CACNA1B: variants seen among roughly 807,000 people sequenced by gnomAD.
CACNA1B encodes voltage-dependent N-type calcium channel subunit alpha-1B.
Under a neutral mutation model 247.2 loss-of-function variants are expected in CACNA1B, and 70 were observed. The observed-to-expected ratio is 0.28, with a 90% CI of 0.23 to 0.35. The LOEUF is 0.35. Among genes scored for constraint, CACNA1B ranks in the 10% least tolerant of loss-of-function variants. The pLI is 1.00. For synonymous variants in CACNA1B, 1,231 were observed against 1,294.4 expected (o/e 0.95, Z 1.05); for missense variants, 2,367 against 3,197.4 (o/e 0.74, Z 6.26).
intron 15 of CACNA1B, among the ~76,000 whole-genome samples, chr9:138,006,278 A>C (rs1305869144): frequency 6.6e-6 from 1 of 152,164 alleles, no homozygotes; most frequent in East Asian, 1.9e-4. Flanking sequence ...TACTAGGACA[A>C]GGGTTGCATT....
chr9:138,104,925 C>T (rs943905242), intron 38 of CACNA1B, among the ~76,000 whole-genome samples: 2 of 152,242 alleles, frequency 1.3e-5, no homozygotes, highest in African/African-American at 2.4e-5. Flanking sequence ...GACACGAGCT[C>T]GTCTCCAGCT....
At position 138,052,828 on chromosome 9, in the gene CACNA1B, G is replaced by A. The variant is rs958678062; in HGVS notation, c.3807+640G>A. Among the ~76,000 whole-genome samples, 13 of 152,226 alleles carry A rather than the reference G, an allele frequency of 8.5e-5. No individual in the cohort carries two copies. Among genetic ancestry groups the A allele is most frequent in the African/African-American group, 3.1e-4 (13 of 41,460 alleles). ...GCGTCGGAGGCCCACTGGGTCCAGGGAGGAGTGGCACCTGCCCTGGCACCG... is the reference window on the plus strand; with the variant it reads ...GCGTCGGAGGCCCACTGGGTCCAGGAAGGAGTGGCACCTGCCCTGGCACCG... On this transcript the variant is annotated intron_variant, in intron 25 of 46. Transcript: ENST00000371372. The surrounding 1 kb of genome is among the most constrained non-coding windows in gnomAD (Gnocchi z 5.1).
chr9:138,046,044 C>T (rs1376167211), intron 21 of CACNA1B, among the ~76,000 whole-genome samples: 1 of 152,200 alleles, frequency 6.6e-6, no homozygotes, highest in Non-Finnish European at 1.5e-5. Flanking sequence ...TCTGGTCCCC[C>T]ACCCGTAGAT....
At chr9:138,047,904 T>C (rs568934494) in intron 23 of CACNA1B, among the ~76,000 whole-genome samples, 4 of 152,328 alleles carry the variant, frequency 2.6e-5, no homozygotes, top group Admixed American at 6.5e-5. Flanking sequence ...ATTTGTCTTA[T>C]GATAGATTGA....
intron 42 of CACNA1B, among the ~76,000 whole-genome samples, chr9:138,117,453 A>G (rs559613858): frequency 1.1e-3 from 163 of 151,780 alleles, no homozygotes; most frequent in African/African-American, 3.8e-3. Context: ...TGTCCTCTCC[A>G]TGACAGCTTC....
intron 3 of CACNA1B, among the ~76,000 whole-genome samples, chr9:137,897,989 A>G (rs1321793214): frequency 6.6e-6 from 1 of 152,200 alleles, no homozygotes; most frequent in Non-Finnish European, 1.5e-5. Flanking sequence ...TTCTTTAATT[A>G]TTCTTTCAGG....
intron 39 of CACNA1B, among the ~76,000 whole-genome samples, chr9:138,107,084 C>G (rs997598663): frequency 5.6e-4 from 85 of 152,104 alleles, no homozygotes; most frequent in Non-Finnish European, 8.7e-4. Flanking sequence ...TACACTCACT[C>G]CTTTATCATC....
Position 138,051,525 on chromosome 9 carries a change from T to C in CACNA1B, c.3711-567T>C, listed in dbSNP as rs1959278815. On this transcript the variant is annotated intron_variant, in intron 24 of 46. Coordinates refer to ENST00000371372, the MANE Select transcript of CACNA1B (RefSeq NM_000718.4). The surrounding 1 kb of genome is among the most constrained non-coding windows in gnomAD (Gnocchi z 4.3). ...TCTTAGTCCACCATGCCTCTTGCAT[T>C]GCCTCTGTATTCGTCCGACTTTTTC... 6.9e-6 allele frequency among the ~76,000 whole-genome samples: 1 copy of C among 145,210 alleles called. No individual in the cohort carries two copies. The highest frequency in any genetic ancestry group is 2.5e-4 in the South Asian group (1 of 4,052).
At chr9:138,016,892 C>T (rs1958799665) in intron 18 of CACNA1B, among the ~76,000 whole-genome samples, 1 of 152,230 alleles carries the variant, frequency 6.6e-6, no homozygotes, top group African/African-American at 2.4e-5. Flanking sequence ...CTTCTGTCTT[C>T]CAGGCATTAC....
intron 6 of CACNA1B, among the ~76,000 whole-genome samples, chr9:137,947,402 C>T (rs183697117): frequency 9.1e-4 from 139 of 152,198 alleles, no homozygotes; most frequent in African/African-American, 3.2e-3. Context: ...ACAAATCGGC[C>T]TTAGGGTCCC....
Position 137,957,574 on chromosome 9 carries a change from T to C in CACNA1B, c.1244-24T>C. On this transcript the variant is annotated intron_variant, in intron 9 of 46. Transcript: ENST00000371372. The surrounding 1 kb of genome is among the most constrained non-coding windows in gnomAD (Gnocchi z 4.7). ...CCTGAGGGCTGCAGCTCAGGCAGTCTCTCCCATCCTTTGTTTAAAGCAGTG... is the reference window on the plus strand; with the variant it reads ...CCTGAGGGCTGCAGCTCAGGCAGTCCCTCCCATCCTTTGTTTAAAGCAGTG... 1 of 1,536,864 alleles carries C rather than the reference T, an allele frequency of 6.5e-7. No individual in the cohort carries two copies. Among genetic ancestry groups the C allele is most frequent in the South Asian group, 1.2e-5 (1 of 82,006 alleles).
At chr9:138,025,639 C>T (rs897179292) in intron 20 of CACNA1B, among the ~76,000 whole-genome samples, 8 of 152,224 alleles carry the variant, frequency 5.3e-5, no homozygotes, top group Non-Finnish European at 8.8e-5. Flanking sequence ...TGTGCCATCC[C>T]TGCTCTGAGG....
chr9:138,045,088 A>G (rs904440097), intron 21 of CACNA1B, among the ~76,000 whole-genome samples: 1 of 152,222 alleles, frequency 6.6e-6, no homozygotes, highest in Non-Finnish European at 1.5e-5. Flanking sequence ...TGAAGGATGA[A>G]TAAGAGTTAA....
intron 15 of CACNA1B, among the ~76,000 whole-genome samples, chr9:138,002,661 C>T (rs1449781668): frequency 3.3e-5 from 5 of 151,578 alleles, no homozygotes; most frequent in Middle Eastern, 3.5e-3. Context: ...GAGCTAGGAT[C>T]GTGCCACTGC....
intron 15 of CACNA1B, among the ~76,000 whole-genome samples, chr9:137,988,026 G>C: frequency 6.6e-6 from 1 of 152,194 alleles, no homozygotes; most frequent in East Asian, 1.9e-4. Flanking sequence ...GGAGGCACTT[G>C]TCAGCCTCCG....
intron 20 of CACNA1B, among the ~76,000 whole-genome samples, chr9:138,034,980 C>A (rs1171849088): frequency 6.6e-6 from 1 of 152,198 alleles, no homozygotes; most frequent in Non-Finnish European, 1.5e-5. Flanking sequence ...TGCTAAGTGA[C>A]TAATGCAGTC....
chr9:137,918,764 G>A (rs917293486), intron 6 of CACNA1B, among the ~76,000 whole-genome samples: 14 of 152,300 alleles, frequency 9.2e-5, no homozygotes, highest in Admixed American at 6.5e-4. Context: ...TATTGAGCTC[G>A]TTTATCAAGC....
rs1257753847 is a variant in CACNA1B at position 137,882,160 on chromosome 9, G to A, written c.391-584G>A. Among the ~76,000 whole-genome samples, 2 of 152,140 alleles carry A rather than the reference G, an allele frequency of 1.3e-5. No individual in the cohort carries two copies. Among genetic ancestry groups the A allele is most frequent in the Non-Finnish European group, 2.9e-5 (2 of 68,028 alleles). ...CCGGGTGCATGTTGAATGCATAAAC[G>A]GGGCCTGGACTGAGTTCAAGAAAGC... is the stretch of plus-strand genomic sequence containing the variant. On this transcript the variant is annotated intron_variant, in intron 2 of 46. Coordinates refer to ENST00000371372, the MANE Select transcript of CACNA1B (RefSeq NM_000718.4). This position sits in a 1 kb window ranked among gnomAD's most constrained non-coding sequence, Gnocchi z 4.0.
chr9:137,980,077 A>T (rs146192688), intron 12 of CACNA1B, among the ~76,000 whole-genome samples: 1 of 152,204 alleles, frequency 6.6e-6, no homozygotes, highest in African/African-American at 2.4e-5. Flanking sequence ...TTTCAGCTGA[A>T]TGGTTTTCTC....
Sources: allele counts gnomAD v4.1 joint callset (sites outside exome capture counted in the v4.1 genomes callset), GRCh38; gene constraint gnomAD v4.1.1; non-coding constraint Gnocchi (gnomAD v3.1); transcripts MANE v1.5; gene names NCBI Gene and HGNC (gene_info 2026-07-23, HGNC 2026-07-21).